VPS54: variants seen among roughly 807,000 people sequenced by gnomAD.
The protein encoded by VPS54 is VPS54 subunit of GARP complex.
In VPS54, 45 loss-of-function variants were observed where a neutral mutation model predicts 121.5. The ratio of observed to expected loss-of-function variants is 0.37; its 90% CI spans 0.29 to 0.47. The LOEUF is 0.47. VPS54 is among the 20% of genes least tolerant of loss of function. The pLI is 0.99. For missense variants in VPS54, 1,090 were observed against 1,131.4 expected (o/e 0.96, Z 0.52); for synonymous variants, 371 against 385.8 (o/e 0.96, Z 0.45).
At chr2:63,922,489 A>C (rs888948451) in intron 12 of VPS54, among the ~76,000 whole-genome samples, 2 of 152,238 alleles carry the variant, frequency 1.3e-5, no homozygotes, top group Admixed American at 1.3e-4. Flanking sequence ...CTAATGCTTC[A>C]AAATAACAGA....
chr2:64,012,995 G>A (rs1451308030), intron 1 of VPS54, among the ~76,000 whole-genome samples: 2 of 152,222 alleles, frequency 1.3e-5, no homozygotes, highest in African/African-American at 4.8e-5. Flanking sequence ...GTTACCATTT[G>A]TAATCCTCCA....
At chr2:63,959,886 T>A (rs1337121391) in intron 7 of VPS54, among the ~76,000 whole-genome samples, 1 of 151,976 alleles carries the variant, frequency 6.6e-6, no homozygotes, top group Non-Finnish European at 1.5e-5. Flanking sequence ...CTGGGCACAG[T>A]GGCGGGCACC....
At chr2:63,898,784 A>T (rs926465612) in intron 21 of VPS54, among the ~76,000 whole-genome samples, 1 of 97,384 alleles carries the variant, frequency 1.0e-5, no homozygotes, top group Non-Finnish European at 2.3e-5. Context: ...AGCTGAGATT[A>T]AAAAAAAAAA....
chr2:63,972,174 T>A lies in VPS54; in HGVS notation c.449A>T (p.His150Leu), dbSNP rs368932015. The stretch of plus-strand genomic sequence containing the variant: ...ATAACACATATTCATACCATGAGTA[T>A]GTAAAAGAGTCCTTTCGAAGGTATC... ...PKDTFERTLLHTHDKSRTDLE... is the reference protein window; with the variant it reads ...PKDTFERTLLLTHDKSRTDLE... Residue 150 changes from histidine to leucine, a missense_variant, in exon 4 of 23, where the codon CAT becomes CTT. By Grantham distance (99) the His-to-Leu change is moderately conservative (BLOSUM62 -3). Coordinates refer to ENST00000272322, the MANE Select transcript of VPS54 (RefSeq NM_016516.3). The A allele has an allele frequency of 3.2e-6, 5 of 1,579,890 alleles. No individual in the cohort carries two copies. Among genetic ancestry groups the A allele is most frequent in the Non-Finnish European group, 4.3e-6 (5 of 1,156,398 alleles).
intron 3 of VPS54, among the ~76,000 whole-genome samples, chr2:63,976,643 T>C (rs1034410231): frequency 6.6e-6 from 1 of 152,062 alleles, no homozygotes; most frequent in Non-Finnish European, 1.5e-5. Flanking sequence ...AGAATATTTA[T>C]TTCTTGTTGT....
chr2:64,011,438 C>T (rs1479640773), intron 1 of VPS54, among the ~76,000 whole-genome samples: 1 of 151,740 alleles, frequency 6.6e-6, no homozygotes, highest in Admixed American at 6.6e-5. Flanking sequence ...TGGTGGTGCA[C>T]GCCTGTAGTC....
intron 12 of VPS54, among the ~76,000 whole-genome samples, chr2:63,925,952 AT>A (rs1673880735): frequency 6.6e-6 from 1 of 152,208 alleles, no homozygotes; most frequent in Non-Finnish European, 1.5e-5. Flanking sequence ...TAATTGCTAC[AT>A]TTTCCCATAT....
chr2:63,945,446 C>T (rs1575941843), intron 9 of VPS54, among the ~76,000 whole-genome samples: 1 of 152,206 alleles, frequency 6.6e-6, no homozygotes, highest in East Asian at 1.9e-4. Flanking sequence ...GGGTACTAGG[C>T]TTAATACCTG....
intron 1 of VPS54, among the ~76,000 whole-genome samples, chr2:64,002,485 AATGT>A (rs1212979451): frequency 6.6e-6 from 1 of 152,224 alleles, no homozygotes; most frequent in African/African-American, 2.4e-5. Flanking sequence ...ACATGTGGAA[AATGT>A]ATTTATGTTA....
chr2:63,974,814 G>T (rs933536373), intron 3 of VPS54, among the ~76,000 whole-genome samples: 2 of 152,054 alleles, frequency 1.3e-5, no homozygotes, highest in African/African-American at 2.4e-5. Context: ...TCACTTATTA[G>T]TTCCAGGAGT....
rs143730565 is a variant in VPS54, at chr2:63,916,601, A to G, written c.2228+299T>C. Among the ~76,000 whole-genome samples the G allele has an allele frequency of 7.9e-3, 1,209 of 152,244 alleles. 13 individuals are homozygous for G. Among genetic ancestry groups the G allele is most frequent in the African/African-American group, 0.027 (1,141 of 41,556 alleles). ...AAAGATAGAAAGAGCCTGGGATAGCAATAATATCATGGATCCACTACAATT... is the reference window on the plus strand; with the variant it reads ...AAAGATAGAAAGAGCCTGGGATAGCGATAATATCATGGATCCACTACAATT... On this transcript the variant is annotated intron_variant, in intron 16 of 22. Transcript: ENST00000272322.
At chr2:64,015,492 C>T (rs182625937) in intron 1 of VPS54, among the ~76,000 whole-genome samples, 29 of 152,056 alleles carry the variant, frequency 1.9e-4, no homozygotes, top group African/African-American at 6.3e-4. Context: ...TCGTGCAGCC[C>T]CTAGGTTTAC....
intron 7 of VPS54, among the ~76,000 whole-genome samples, chr2:63,951,670 T>C (rs1383601403): frequency 6.6e-6 from 1 of 152,196 alleles, no homozygotes; most frequent in African/African-American, 2.4e-5. Flanking sequence ...CTGTGTATAT[T>C]TTATGGTAGT....
chr2:63,995,484 T>C (rs1483329699), intron 1 of VPS54, among the ~76,000 whole-genome samples: 1 of 152,244 alleles, frequency 6.6e-6, no homozygotes, highest in Non-Finnish European at 1.5e-5. Context: ...GAGATTTGTT[T>C]TCACTTTAAT....
chr2:63,938,439 G>A (rs1674566794), intron 11 of VPS54, among the ~76,000 whole-genome samples: 1 of 152,006 alleles, frequency 6.6e-6, no homozygotes, highest in South Asian at 2.1e-4. Flanking sequence ...TAGAGGACTG[G>A]GACTTTCAGC....
At chr2:63,952,992 T>TA (rs1170565508) in intron 7 of VPS54, among the ~76,000 whole-genome samples, 2 of 152,100 alleles carry the variant, frequency 1.3e-5, no homozygotes, top group African/African-American at 4.8e-5. Flanking sequence ...GCATTTATTT[T>TA]AAATAGATAT....
chr2:63,901,032 T>G (rs911743155), intron 20 of VPS54, among the ~76,000 whole-genome samples: 3 of 152,242 alleles, frequency 2.0e-5, no homozygotes, highest in Admixed American at 2.0e-4. Context: ...AGTGCTGGGA[T>G]TACAGGCGTG....
At chr2:63,970,658 T>G (rs1676243055) in intron 4 of VPS54, among the ~76,000 whole-genome samples, 1 of 152,176 alleles carries the variant, frequency 6.6e-6, no homozygotes, top group Non-Finnish European at 1.5e-5. Context: ...AACTAACTGT[T>G]CTTACTTTCT....
At chr2:63,988,212 G>A (rs1226382066) in intron 1 of VPS54, among the ~76,000 whole-genome samples, 1 of 151,912 alleles carries the variant, frequency 6.6e-6, no homozygotes, top group Non-Finnish European at 1.5e-5. Flanking sequence ...CAGTTTTGAG[G>A]GTTTTTATTA....
Sources: gnomAD v4.1 joint callset for allele counts (sites outside exome capture counted in the v4.1 genomes callset) on GRCh38, gnomAD v4.1.1 for gene constraint, MANE v1.5 for transcripts, NCBI Gene and HGNC (gene_info 2026-07-23, HGNC 2026-07-21) for gene names.